BRINP3: variants seen among roughly 807,000 people sequenced by gnomAD.
BRINP3 encodes the protein BMP/retinoic acid-inducible neural-specific protein 3.
Under a neutral mutation model 71.0 loss-of-function variants are expected in BRINP3, and 19 were observed. That is an observed-to-expected ratio of 0.27 (90% CI 0.19 to 0.39). BRINP3 has a LOEUF of 0.39. BRINP3 is among the 10% of genes least tolerant of loss of function. BRINP3 has a pLI of 1.00. For synonymous variants in BRINP3, 380 were observed against 337.7 expected (o/e 1.13, Z -1.37); for missense variants, 959 against 940.8 (o/e 1.02, Z -0.25).
intron 2 of BRINP3, among the ~76,000 whole-genome samples, chr1:190,301,178 T>TATATATGTATATATATAC (rs1553283671): frequency 3.6e-4 from 15 of 41,458 alleles, no homozygotes; most frequent in East Asian, 1.2e-3. Context: ...TATATATACA[T>TATATATGTATATATATAC]ATATATATGT....
chr1:190,391,254 C>G (rs1326984899), intron 2 of BRINP3, among the ~76,000 whole-genome samples: 1 of 151,672 alleles, frequency 6.6e-6, no homozygotes, highest in East Asian at 1.9e-4. Context: ...TTTCCTACTT[C>G]TGAATGTGTG....
At chr1:190,329,745 A>G (rs1353010192) in intron 2 of BRINP3, among the ~76,000 whole-genome samples, 1 of 152,066 alleles carries the variant, frequency 6.6e-6, no homozygotes, top group Non-Finnish European at 1.5e-5. Flanking sequence ...CCAAACTTAA[A>G]ACTATACTAC....
chr1:190,460,053 G>C (rs1278317466), intron 1 of BRINP3, among the ~76,000 whole-genome samples: 1 of 151,644 alleles, frequency 6.6e-6, no homozygotes, highest in Non-Finnish European at 1.5e-5. Flanking sequence ...TTCTTCTCTT[G>C]AGCAAATACT....
intron 2 of BRINP3, among the ~76,000 whole-genome samples, chr1:190,417,073 A>ACTTACAC (rs1163100544): frequency 1.3e-5 from 2 of 152,180 alleles, no homozygotes; most frequent in Non-Finnish European, 2.9e-5. Context: ...TTGCTAAGGA[A>ACTTACAC]CTTACACCTC....
At chr1:190,381,709 AT>A (rs1291979773) in intron 2 of BRINP3, among the ~76,000 whole-genome samples, 1 of 152,056 alleles carries the variant, frequency 6.6e-6, no homozygotes, top group Non-Finnish European at 1.5e-5. Context: ...TGATTAGCAC[AT>A]TTTTCATTAA....
chr1:190,195,275 C>T (rs1318801714), intron 6 of BRINP3, among the ~76,000 whole-genome samples: 5 of 151,550 alleles, frequency 3.3e-5, no homozygotes, highest in African/African-American at 4.8e-5. Context: ...TAAAATAAGA[C>T]CAATTTTTAT....
Position 190,165,060 on chromosome 1 carries a change from T to C in BRINP3, c.962-4170A>G, listed in dbSNP as rs963705858. On this transcript the variant is annotated intron_variant, in intron 6 of 7. Coordinates refer to ENST00000367462, the MANE Select transcript of BRINP3 (RefSeq NM_199051.3). The stretch of plus-strand genomic sequence containing the variant: ...TATGAAAGCATAGCAACAGTTTCAG[T>C]ACAATGATAGAAAAATACATAATAT... Among the ~76,000 whole-genome samples, 16 of 152,058 alleles carry C rather than the reference T, an allele frequency of 1.1e-4. 2 individuals carry two copies. The highest frequency in any genetic ancestry group is 8.5e-4 in the Admixed American group (13 of 15,236).
chr1:190,474,121 T>A (rs1677339647), intron 1 of BRINP3, among the ~76,000 whole-genome samples: 1 of 152,328 alleles, frequency 6.6e-6, no homozygotes, highest in South Asian at 2.1e-4. Flanking sequence ...ATACATTTCT[T>A]CTTCTAACTC....
At chr1:190,363,578 G>A (rs1192296086) in intron 2 of BRINP3, among the ~76,000 whole-genome samples, 1 of 152,054 alleles carries the variant, frequency 6.6e-6, no homozygotes, top group Non-Finnish European at 1.5e-5. Flanking sequence ...GTGACTATAA[G>A]GAGGGGCATA....
chr1:190,336,823 C>T (rs1468220182), intron 2 of BRINP3, among the ~76,000 whole-genome samples: 1 of 90,472 alleles, frequency 1.1e-5, no homozygotes. Flanking sequence ...CCCTTCCCTC[C>T]TTCCCTCCCT....
intron 6 of BRINP3, among the ~76,000 whole-genome samples, chr1:190,213,140 A>G (rs1193644952): frequency 6.6e-6 from 1 of 152,002 alleles, no homozygotes; most frequent in African/African-American, 2.4e-5. Context: ...CTAGGAAATA[A>G]TACTGTATAC....
intron 2 of BRINP3, among the ~76,000 whole-genome samples, chr1:190,333,642 A>C (rs1667104810): frequency 6.6e-6 from 1 of 151,988 alleles, no homozygotes; most frequent in Non-Finnish European, 1.5e-5. Flanking sequence ...CTCTATGAAT[A>C]GCTTGTAGGA....
chr1:190,200,698 G>A (rs927886912), intron 6 of BRINP3, among the ~76,000 whole-genome samples: 16 of 152,092 alleles, frequency 1.1e-4, no homozygotes, highest in African/African-American at 3.9e-4. Flanking sequence ...CCCGGTAGGA[G>A]ATGATTGAAT....
chr1:190,325,889 G>A (rs1401700809), intron 2 of BRINP3, among the ~76,000 whole-genome samples: 1 of 152,002 alleles, frequency 6.6e-6, no homozygotes, highest in Non-Finnish European at 1.5e-5. Flanking sequence ...ACATTAATAT[G>A]TTAAAAACCA....
At chr1:190,106,563 A>C (rs1652184783) in intron 7 of BRINP3, among the ~76,000 whole-genome samples, 1 of 151,618 alleles carries the variant, frequency 6.6e-6, no homozygotes, top group Admixed American at 6.6e-5. Flanking sequence ...TTTGTTATGA[A>C]TAAATACATT....
At chr1:190,169,584 TCAAGGGC>T (rs1373750646) in intron 6 of BRINP3, among the ~76,000 whole-genome samples, 6 of 152,160 alleles carry the variant, frequency 3.9e-5, no homozygotes, top group African/African-American at 1.4e-4. Flanking sequence ...AACTGAGGCC[TCAAGGGC>T]AATTATAATT....
chr1:190,212,901 T>A (rs1656108910), intron 6 of BRINP3, among the ~76,000 whole-genome samples: 2 of 152,064 alleles, frequency 1.3e-5, no homozygotes, highest in Admixed American at 6.6e-5. Flanking sequence ...TATATTATTT[T>A]AAGATTTTAT....
intron 6 of BRINP3, among the ~76,000 whole-genome samples, chr1:190,169,924 A>T (rs2102492486): frequency 6.6e-6 from 1 of 152,252 alleles, no homozygotes; most frequent in South Asian, 2.1e-4. Flanking sequence ...GTCCCATTAT[A>T]ATCTACATTT....
intron 7 of BRINP3, among the ~76,000 whole-genome samples, chr1:190,153,073 C>T (rs10800935): frequency 0.14 from 20,700 of 151,996 alleles, 2,090 homozygotes; most frequent in African/African-American, 0.26. Flanking sequence ...AAATAGGTAG[C>T]ATAAGTGATA....
Sources: gnomAD v4.1 joint callset for allele counts (sites outside exome capture counted in the v4.1 genomes callset) on GRCh38, gnomAD v4.1.1 for gene constraint, MANE v1.5 for transcripts, NCBI Gene and HGNC (gene_info 2026-07-23, HGNC 2026-07-21) for gene names.